The following EFHC1 variants were observed in gnomAD, a reference collection of about 807,000 sequenced individuals.
EFHC1 encodes the protein EF-hand domain containing 1.
EFHC1 carries 53 observed loss-of-function variants against 69.9 expected under a neutral mutation model. That is an observed-to-expected ratio of 0.76 (90% CI 0.61 to 0.95). The LOEUF (loss-of-function observed/expected upper bound fraction) is 0.95. Ranked by LOEUF, EFHC1 falls within the 40% of genes least tolerant of loss-of-function variation. EFHC1 has a pLI of 0.00. For missense variants in EFHC1, 739 were observed against 798.7 expected (o/e 0.93, Z 0.90); for synonymous variants, 256 against 278.4 (o/e 0.92, Z 0.80).
Position 52,492,594 on chromosome 6 carries a change from T to C in EFHC1, c.*253T>C. The C allele has an allele frequency of 1.6e-6, 1 of 624,740 alleles. No homozygotes were observed. Among genetic ancestry groups the C allele is most frequent in the Non-Finnish European group, 3.0e-6 (1 of 338,062 alleles). 38.7% of individuals were successfully genotyped at this position (624,740 alleles called of 1,614,324 possible). A position where few individuals can be genotyped will look rare whatever the true frequency, so the allele number is the denominator to read the frequency against. On this transcript the variant is annotated 3_prime_UTR_variant, in exon 11 of 11. Transcript: ENST00000371068. ...TTGACTTGGCCACAGGGGGCCCAAA[T>C]ATTTCCTTTCTTTCTTTTTAAAAAA... is the stretch of plus-strand genomic sequence containing the variant.
chr6:52,466,072 C>G (rs1391219830), intron 6 of EFHC1, among the ~76,000 whole-genome samples: 4 of 151,740 alleles, frequency 2.6e-5, no homozygotes, highest in Non-Finnish European at 5.9e-5. Flanking sequence ...AGGAGATTGA[C>G]AAAATAAATG....
At chr6:52,491,778 C>T (rs1765910358) in intron 10 of EFHC1, among the ~76,000 whole-genome samples, 6 of 152,264 alleles carry the variant, frequency 3.9e-5, no homozygotes, top group Admixed American at 2.0e-4. Flanking sequence ...CGAGCTGCTA[C>T]AGCCCTTCAT....
chr6:52,490,094 TC>T, intron 9 of EFHC1, 45 bp from the exon 10 acceptor site: 1 of 1,562,704 alleles, frequency 6.4e-7, no homozygotes, highest in Non-Finnish European at 8.8e-7. Flanking sequence ...ATGAGACTGA[TC>T]AAGAATAAAT....
At chr6:52,433,209 T>C (rs1764453041) in intron 2 of EFHC1, among the ~76,000 whole-genome samples, 1 of 152,178 alleles carries the variant, frequency 6.6e-6, no homozygotes, top group Non-Finnish European at 1.5e-5. Flanking sequence ...TTTCAATCTA[T>C]TGCTGGTGAG....
intron 10 of EFHC1, chr6:52,490,551 CTT>C (rs1346355599): frequency 1.6e-6 from 1 of 621,488 alleles, no homozygotes; most frequent in Non-Finnish European, 2.8e-6. Context: ...CAGGGCATCT[CTT>C]TAAGTGGGCC....
intron 10 of EFHC1, 73 bp downstream of exon 10, chr6:52,490,423 G>T: frequency 1.2e-5 from 16 of 1,333,646 alleles, no homozygotes; most frequent in South Asian, 2.4e-5. Context: ...AGGCAATTGT[G>T]TGTGTATTTC....
At chr6:52,460,800 A>G (rs1198702133) in intron 5 of EFHC1, among the ~76,000 whole-genome samples, 2 of 152,232 alleles carry the variant, frequency 1.3e-5, no homozygotes, top group African/African-American at 4.8e-5. Context: ...CAGGCAAACA[A>G]AACAGATTTT....
chr6:52,469,034 G>T (rs888529626), intron 6 of EFHC1: 22 of 406,264 alleles, frequency 5.4e-5, no homozygotes, highest in African/African-American at 4.7e-4. Flanking sequence ...CCTCACTGGG[G>T]TGGGACTAGG....
intron 1 of EFHC1, chr6:52,420,962 G>T (rs1764177833): frequency 2.9e-6 from 3 of 1,030,454 alleles, no homozygotes; most frequent in South Asian, 3.0e-5. Flanking sequence ...CGTCATTCCC[G>T]CCCCACCTCT....
chr6:52,472,113 C>A (rs1765448518), intron 7 of EFHC1, among the ~76,000 whole-genome samples: 1 of 150,500 alleles, frequency 6.6e-6, no homozygotes, highest in African/African-American at 2.5e-5. Context: ...ATAAAACTCG[C>A]ATATACCCCT....
chr6:52,456,084 T>C (rs1765038309), intron 5 of EFHC1, among the ~76,000 whole-genome samples: 2 of 152,008 alleles, frequency 1.3e-5, no homozygotes. Context: ...AGAATGAGAT[T>C]GGGGAAAAGG....
In EFHC1 at chr6:52,424,247, C is replaced by T. The variant is rs117491059; in HGVS notation, c.285+80C>T. On this transcript the variant is annotated intron_variant, in intron 2 of 10. Transcript: ENST00000371068. ...TTGCAAAAAAGTTAAAACAGTAAAC[C>T]ACAGAATTTCCAAAGGGCTCTGAGG... is the stretch of plus-strand genomic sequence containing the variant. 8.6e-4 allele frequency: 1,151 copies of T among 1,342,456 alleles called. 12 individuals are homozygous for T. The East Asian group carries it at 0.023, about 27-fold the overall frequency. 83.2% of individuals were successfully genotyped at this position (1,342,456 alleles called of 1,614,324 possible). A position where few individuals can be genotyped will look rare whatever the true frequency, so the allele number is the denominator to read the frequency against.
Position 52,465,337 on chromosome 6 carries a change from T to A in EFHC1, c.1137+222T>A, listed in dbSNP as rs531880304. Among the ~76,000 whole-genome samples, 140 of 152,240 alleles carry A rather than the reference T, an allele frequency of 9.2e-4. 2 individuals carry two copies. The highest frequency in any genetic ancestry group is 6.8e-3 in the Middle Eastern group (2 of 294). On this transcript the variant is annotated intron_variant, in intron 6 of 10. Transcript: ENST00000371068. Reference sequence around the variant, plus strand: ...GAATGAAAATAATGATGTTTTTGGATCTGTTCAATTTTAAAAGATTCATGA... The same window carrying A: ...GAATGAAAATAATGATGTTTTTGGAACTGTTCAATTTTAAAAGATTCATGA...
intron 3 of EFHC1, among the ~76,000 whole-genome samples, chr6:52,447,570 T>C (rs6458840): frequency 0.83 from 126,276 of 152,266 alleles, 52,673 homozygotes; most frequent in East Asian, 0.93. Context: ...TTTCTCTCAA[T>C]TCATCAAAGT....
chr6:52,454,420 G>A (rs1231829530), intron 5 of EFHC1, 133 bp downstream of exon 5: 3 of 1,046,574 alleles, frequency 2.9e-6, no homozygotes, highest in Non-Finnish European at 4.3e-6. Flanking sequence ...TCAGAAAATG[G>A]CTTCCCACAG....
In EFHC1 at chr6:52,424,004, G is replaced by A. The variant is rs202095470; in HGVS notation, c.122G>A (p.Arg41Gln). 3.3e-5 allele frequency: 53 copies of A among 1,613,910 alleles called. No homozygotes were observed. The highest frequency in any genetic ancestry group is 4.4e-5 in the Non-Finnish European group (52 of 1,180,034). Residue 41 changes from arginine (R) to glutamine (Q), a missense_variant, in exon 2 of 11, where the codon CGA becomes CAA. Arg to Gln is a conservative substitution (Grantham distance 43). Coordinates refer to ENST00000371068, the MANE Select transcript of EFHC1 (RefSeq NM_018100.4). ...TACAGGAACGGCTATGCAATTGTTCGACGTCCAACAGTTGGGATAGGCGGA... is the reference window on the plus strand; with the variant it reads ...TACAGGAACGGCTATGCAATTGTTCAACGTCCAACAGTTGGGATAGGCGGA... ...LSYRNGYAIV[R>Q]RPTVGIGGDR...
In EFHC1 at chr6:52,494,590, C is replaced by G. The variant is rs1766000388; in HGVS notation, c.*2249C>G. 2 of 453,984 alleles carry G rather than the reference C, an allele frequency of 4.4e-6. No individual in the cohort carries two copies. Among genetic ancestry groups the G allele is most frequent in the Middle Eastern group, 6.8e-4 (1 of 1,468 alleles). 28.1% of individuals were successfully genotyped at this position (453,984 alleles called of 1,614,324 possible). On this transcript the variant is annotated 3_prime_UTR_variant, in exon 11 of 11. Transcript: ENST00000371068. ...CTTTCTCCCAGAGCACCTTTTCTCT[C>G]TTTTTGGATTCAGGGGGTACATGTG...
intron 2 of EFHC1, among the ~76,000 whole-genome samples, chr6:52,424,471 C>T (rs143088317): frequency 2.6e-5 from 4 of 152,264 alleles, no homozygotes; most frequent in East Asian, 3.9e-4. Context: ...GTTTATCAGC[C>T]GTGTGTTCTC....
intron 3 of EFHC1, among the ~76,000 whole-genome samples, chr6:52,442,756 A>G (rs1292398476): frequency 6.6e-6 from 1 of 152,178 alleles, no homozygotes; most frequent in Non-Finnish European, 1.5e-5. Flanking sequence ...CAATAAACAT[A>G]TGTGTGCATG....
Sources: allele counts gnomAD v4.1 joint callset (sites outside exome capture counted in the v4.1 genomes callset), GRCh38; gene constraint gnomAD v4.1.1; transcripts MANE v1.5; gene names NCBI Gene and HGNC (gene_info 2026-07-23, HGNC 2026-07-21).